The following CTNNA3 variants were observed in gnomAD, a reference collection of about 807,000 sequenced individuals.
The protein encoded by CTNNA3 is catenin alpha 3.
CTNNA3 carries 76 observed loss-of-function variants against 95.7 expected under a neutral mutation model. The observed-to-expected ratio is 0.79, with a 90% CI of 0.66 to 0.96. CTNNA3 has a LOEUF of 0.96. Among genes scored for constraint, CTNNA3 ranks in the 40% least tolerant of loss-of-function variants. The pLI is 0.00. For synonymous variants in CTNNA3, 431 were observed against 374.4 expected (o/e 1.15, Z -1.74); for missense variants, 1,191 against 1,089.8 (o/e 1.09, Z -1.31).
intron 1 of CTNNA3, among the ~76,000 whole-genome samples, chr10:67,710,322 G>A (rs1374371329): frequency 1.3e-5 from 2 of 152,182 alleles, no homozygotes; most frequent in Non-Finnish European, 2.9e-5. Flanking sequence ...GCCTGGACAA[G>A]AGGAGGAGAT....
At chr10:66,254,097 CT>C (rs1251503081) in intron 13 of CTNNA3, among the ~76,000 whole-genome samples, 5 of 152,102 alleles carry the variant, frequency 3.3e-5, no homozygotes, top group Non-Finnish European at 7.3e-5. Flanking sequence ...TTCCCTGAGA[CT>C]TTTCTCAACA....
At position 66,340,478 on chromosome 10, in the gene CTNNA3, G is replaced by C. The variant is rs927003658; in HGVS notation, c.1732+38674C>G. ...TACTCCACTAGACAGATAGTATAGAGTGTATATATGTTTAGAAATTTTCTA... is the reference window on the plus strand; with the variant it reads ...TACTCCACTAGACAGATAGTATAGACTGTATATATGTTTAGAAATTTTCTA... On this transcript the variant is annotated intron_variant, in intron 12 of 17. Transcript: ENST00000433211. 4.6e-5 allele frequency among the ~76,000 whole-genome samples: 7 copies of C among 151,650 alleles called. 1 individual carries two copies. The highest frequency in any genetic ancestry group is 2.1e-4 in the South Asian group (1 of 4,826).
intron 16 of CTNNA3, among the ~76,000 whole-genome samples, chr10:65,979,814 G>A (rs574723795): frequency 6.6e-6 from 1 of 152,130 alleles, no homozygotes; most frequent in African/African-American, 2.4e-5. Flanking sequence ...TTACTTGAAA[G>A]ACGCAAATAG....
At chr10:66,724,115 A>G (rs1479378702) in intron 9 of CTNNA3, among the ~76,000 whole-genome samples, 1 of 152,066 alleles carries the variant, frequency 6.6e-6, no homozygotes, top group Non-Finnish European at 1.5e-5. Context: ...AATGCTATTC[A>G]CAGTCTGGAT....
intron 7 of CTNNA3, among the ~76,000 whole-genome samples, chr10:66,938,226 T>C (rs1009732353): frequency 6.6e-6 from 1 of 152,120 alleles, no homozygotes; most frequent in Non-Finnish European, 1.5e-5. Flanking sequence ...TCATTTACCA[T>C]TTAACGGGCT....
intron 9 of CTNNA3, among the ~76,000 whole-genome samples, chr10:66,631,149 T>C (rs957331914): frequency 6.6e-6 from 1 of 152,146 alleles, no homozygotes; most frequent in East Asian, 1.9e-4. Flanking sequence ...ATTTTATGAA[T>C]CCTCAATCAC....
At chr10:67,687,248 C>T (rs899711410) in intron 1 of CTNNA3, among the ~76,000 whole-genome samples, 2 of 152,146 alleles carry the variant, frequency 1.3e-5, no homozygotes, top group Non-Finnish European at 2.9e-5. Context: ...CTGGCACTTG[C>T]CCCGGGCATC....
intron 12 of CTNNA3, among the ~76,000 whole-genome samples, chr10:66,350,808 C>T (rs1387742731): frequency 2.0e-5 from 3 of 151,962 alleles, no homozygotes; most frequent in Middle Eastern, 3.2e-3. Flanking sequence ...ACTATTTACA[C>T]ATCCCCTCTT....
At chr10:67,730,273 T>A (rs1420849865) in intron 1 of CTNNA3, among the ~76,000 whole-genome samples, 1 of 152,064 alleles carries the variant, frequency 6.6e-6, no homozygotes, top group East Asian at 1.9e-4. Flanking sequence ...GCTTCCATCT[T>A]TCCAAATAAA....
chr10:67,146,592 G>C (rs538910125), intron 7 of CTNNA3, among the ~76,000 whole-genome samples: 1 of 152,172 alleles, frequency 6.6e-6, no homozygotes, highest in African/African-American at 2.4e-5. Context: ...TCAATTATGG[G>C]CAAATAACGT....
intron 10 of CTNNA3, among the ~76,000 whole-genome samples, chr10:66,607,884 G>A (rs1844185920): frequency 6.6e-6 from 1 of 152,130 alleles, no homozygotes; most frequent in Admixed American, 6.5e-5. Context: ...TTGAAAACCA[G>A]CACAAGATAA....
intron 9 of CTNNA3, among the ~76,000 whole-genome samples, chr10:66,667,186 A>G (rs911389624): frequency 8.0e-5 from 7 of 87,602 alleles, no homozygotes; most frequent in African/African-American, 3.9e-4. Flanking sequence ...TTTGAAGAGT[A>G]GTAATTTTTT....
chr10:66,073,583 TAGA>T (rs2080486024), intron 14 of CTNNA3, among the ~76,000 whole-genome samples: 2 of 152,148 alleles, frequency 1.3e-5, no homozygotes, highest in Non-Finnish European at 2.9e-5. Flanking sequence ...TTTTATATTT[TAGA>T]AAATTATCCT....
chr10:67,070,184 A>G (rs1393444448), intron 7 of CTNNA3, among the ~76,000 whole-genome samples: 2 of 152,170 alleles, frequency 1.3e-5, no homozygotes, highest in African/African-American at 2.4e-5. Context: ...ATATATTGCA[A>G]TTTGGATATC....
At chr10:67,044,381 T>C (rs1854597456) in intron 7 of CTNNA3, among the ~76,000 whole-genome samples, 3 of 152,294 alleles carry the variant, frequency 2.0e-5, no homozygotes, top group East Asian at 1.9e-4. Flanking sequence ...CACTATAATA[T>C]GGAAATAGAG....
intron 5 of CTNNA3, among the ~76,000 whole-genome samples, chr10:67,370,375 TC>T (rs1432411739): frequency 6.8e-6 from 1 of 147,172 alleles, no homozygotes; most frequent in Non-Finnish European, 1.5e-5. Context: ...TGGGTAATTA[TC>T]TATACTCTGC....
intron 15 of CTNNA3, among the ~76,000 whole-genome samples, chr10:66,036,605 GCCTCAGGTGATCCAC>G (rs2079568051): frequency 6.6e-6 from 1 of 151,886 alleles, no homozygotes; most frequent in African/African-American, 2.4e-5. Context: ...CAAACTCCTG[GCCTCAGGTGATCCAC>G]CCACCTCAGC....
At chr10:66,875,493 A>C (rs975711796) in intron 7 of CTNNA3, among the ~76,000 whole-genome samples, 5 of 152,160 alleles carry the variant, frequency 3.3e-5, no homozygotes, top group African/African-American at 1.2e-4. Flanking sequence ...ATGGCATAAG[A>C]AAAGTGATCA....
intron 13 of CTNNA3, among the ~76,000 whole-genome samples, chr10:66,104,551 G>T (rs1162660380): frequency 6.6e-6 from 1 of 152,142 alleles, no homozygotes; most frequent in Non-Finnish European, 1.5e-5. Flanking sequence ...CATCCAAGTA[G>T]TACACATTGT....
Sources: gnomAD v4.1 joint callset for allele counts (sites outside exome capture counted in the v4.1 genomes callset) on GRCh38, gnomAD v4.1.1 for gene constraint, MANE v1.5 for transcripts, NCBI Gene and HGNC (gene_info 2026-07-23, HGNC 2026-07-21) for gene names.